The following SAMD5 variants were observed in gnomAD, a reference collection of about 807,000 sequenced individuals.
SAMD5 encodes the protein sterile alpha motif domain-containing protein 5.
In SAMD5, 13 loss-of-function variants were observed where a neutral mutation model predicts 11.3. That is an observed-to-expected ratio of 1.15 (90% CI 0.75 to 1.83). The LOEUF (loss-of-function observed/expected upper bound fraction) is 1.83, where lower values mean the gene tolerates loss of function less well. SAMD5 is among the 40% of genes most tolerant of loss of function. The probability of loss-of-function intolerance (pLI) is 0.00; values close to 1 mark genes in which losing one functional copy is unlikely to be tolerated. For synonymous variants in SAMD5, 129 were observed against 111.3 expected (o/e 1.16, Z -1.00); for missense variants, 255 against 239.1 (o/e 1.07, Z -0.44).
the SAMD5 span, among the ~76,000 whole-genome samples, chr6:147,842,807 C>T: frequency 3.9e-5 from 6 of 152,218 alleles, no homozygotes; most frequent in South Asian, 2.1e-4. Context: ...GTGCCCATCA[C>T]ATTTGAATTG....
intron 1 of SAMD5, among the ~76,000 whole-genome samples, chr6:147,558,034 T>C (rs1466316024): frequency 1.3e-5 from 2 of 152,224 alleles, no homozygotes; most frequent in Non-Finnish European, 2.9e-5. Flanking sequence ...TCAGTAAATA[T>C]TAGCAGCCGT....
chr6:147,807,976 A>G, the SAMD5 span, among the ~76,000 whole-genome samples: 180 of 152,332 alleles, frequency 1.2e-3, no homozygotes, highest in Middle Eastern at 3.4e-3. Flanking sequence ...TAAGCAGAAA[A>G]GCATAAATAA....
chr6:147,741,103 A>G (rs1426981619), downstream of SAMD5, among the ~76,000 whole-genome samples: 1 of 152,196 alleles, frequency 6.6e-6, no homozygotes, highest in African/African-American at 2.4e-5. Context: ...AGGCAAGTTA[A>G]TCATGGGTTG....
chr6:147,835,424 C>T, the SAMD5 span, among the ~76,000 whole-genome samples: 2 of 151,976 alleles, frequency 1.3e-5, no homozygotes, highest in Admixed American at 6.6e-5. Flanking sequence ...TAAACAATTA[C>T]GGAGGAGCCT....
intron 1 of SAMD5, among the ~76,000 whole-genome samples, chr6:147,541,886 A>AACAGACACCCCACAATGGGGCTATAG (rs1312652323): frequency 4.6e-5 from 7 of 152,160 alleles, no homozygotes; most frequent in African/African-American, 1.7e-4. Context: ...CCAGGAGCTG[A>AACAGACACCCCACAATGGGGCTATAG]ACAGACACCC....
intron 1 of SAMD5, among the ~76,000 whole-genome samples, chr6:147,653,588 C>A (rs888467960): frequency 2.6e-5 from 4 of 152,120 alleles, no homozygotes; most frequent in African/African-American, 9.7e-5. Context: ...AAAATGGATT[C>A]TATGGAATTA....
the SAMD5 span, among the ~76,000 whole-genome samples, chr6:147,764,869 T>C: frequency 6.6e-6 from 1 of 152,348 alleles, no homozygotes; most frequent in Non-Finnish European, 1.5e-5. Context: ...GCTGATGGCC[T>C]TTGATGTCAA....
the SAMD5 span, among the ~76,000 whole-genome samples, chr6:147,760,643 G>A: frequency 4.1e-3 from 632 of 152,292 alleles, 2 homozygotes; most frequent in African/African-American, 0.015. Context: ...CACTGATGTT[G>A]AATTTAAGTG....
intron 1 of SAMD5, among the ~76,000 whole-genome samples, chr6:147,669,530 C>A (rs146837530): frequency 6.8e-6 from 1 of 148,142 alleles, no homozygotes; most frequent in African/African-American, 2.5e-5. Context: ...TGGGTTAAAG[C>A]GACACTCCTG....
chr6:147,779,697 T>C, the SAMD5 span, among the ~76,000 whole-genome samples: 2 of 152,190 alleles, frequency 1.3e-5, no homozygotes, highest in Non-Finnish European at 2.9e-5. Flanking sequence ...ACAAGACAAT[T>C]ACACTATCTC....
the SAMD5 span, among the ~76,000 whole-genome samples, chr6:147,846,583 G>T: frequency 2.0e-5 from 3 of 152,196 alleles, no homozygotes; most frequent in Non-Finnish European, 4.4e-5. Context: ...ACTTGGAGAG[G>T]CCAAGGCAGG....
chr6:147,760,109 A>ACT, the SAMD5 span, among the ~76,000 whole-genome samples: 1 of 152,188 alleles, frequency 6.6e-6, no homozygotes, highest in Admixed American at 6.5e-5. Flanking sequence ...CTAGTGTGGA[A>ACT]CTACATAGAT....
rs1024682997 is a variant in SAMD5, at chr6:147,540,403, A to G, written c.460-23991A>G. On this transcript the variant is annotated intron_variant, in intron 1 of 1. Coordinates refer to ENST00000367474, the MANE Select transcript of SAMD5 (RefSeq NM_001030060.3). ...ACTGCTTAAGATAATTTTTAGGGCT[A>G]TGACATGGACCTCAAAATTCCTGTC... 3.4e-4 allele frequency among the ~76,000 whole-genome samples: 51 copies of G among 152,172 alleles called. 2 individuals are homozygous for G. Among genetic ancestry groups the G allele is most frequent in the Non-Finnish European group, 1.5e-5 (1 of 68,030 alleles).
chr6:147,530,045 AT>A (rs1415809485), intron 1 of SAMD5, among the ~76,000 whole-genome samples: 1 of 151,936 alleles, frequency 6.6e-6, no homozygotes, highest in Non-Finnish European at 1.5e-5. Context: ...TTCTTTTTTT[AT>A]TTTCTTAAAG....
At chr6:147,774,125 A>G in the SAMD5 span, among the ~76,000 whole-genome samples, 1 of 152,182 alleles carries the variant, frequency 6.6e-6, no homozygotes, top group Non-Finnish European at 1.5e-5. Context: ...TATAAGTGTG[A>G]GCCACTGCGC....
chr6:147,790,720 A>C, the SAMD5 span, among the ~76,000 whole-genome samples: 5 of 150,678 alleles, frequency 3.3e-5, no homozygotes, highest in Admixed American at 6.6e-5. Flanking sequence ...AATACAAAAG[A>C]TGAATTGGTC....
At chr6:147,760,063 C>T in the SAMD5 span, among the ~76,000 whole-genome samples, 1 of 152,018 alleles carries the variant, frequency 6.6e-6, no homozygotes, top group Non-Finnish European at 1.5e-5. Flanking sequence ...CACAGTGCAG[C>T]TTTTTCAGGT....
chr6:147,728,129 A>G (rs1791655936), intron 1 of SAMD5, among the ~76,000 whole-genome samples: 1 of 146,784 alleles, frequency 6.8e-6, no homozygotes, highest in African/African-American at 2.5e-5. Context: ...AACATCACAA[A>G]AACAGAGATA....
At chr6:147,801,676 G>C in the SAMD5 span, among the ~76,000 whole-genome samples, 44 of 152,238 alleles carry the variant, frequency 2.9e-4, no homozygotes, top group Non-Finnish European at 5.4e-4. Flanking sequence ...ATTCACTCTG[G>C]CTTCTACCTG....
Sources: gnomAD v4.1 joint callset for allele counts (sites outside exome capture counted in the v4.1 genomes callset) on GRCh38, gnomAD v4.1.1 for gene constraint, MANE v1.5 for transcripts, NCBI Gene and HGNC (gene_info 2026-07-23, HGNC 2026-07-21) for gene names.